The following KCNK2 variants were observed in gnomAD, a reference collection of about 807,000 sequenced individuals.
KCNK2 encodes potassium two pore domain channel subfamily K member 2.
In KCNK2, 21 loss-of-function variants were observed where a neutral mutation model predicts 40.5. That is an observed-to-expected ratio of 0.52 (90% CI 0.37 to 0.75). The LOEUF (loss-of-function observed/expected upper bound fraction) is 0.75, where lower values mean the gene tolerates loss of function less well. Among genes scored for constraint, KCNK2 ranks in the 30% least tolerant of loss-of-function variants. KCNK2 has a pLI of 0.00. For missense variants in KCNK2, 399 were observed against 531.6 expected (o/e 0.75, Z 2.45); for synonymous variants, 191 against 202.2 (o/e 0.94, Z 0.47).
chr1:215,209,406 TGC>T lies in KCNK2; in HGVS notation c.963+14315_963+14316del, dbSNP rs1368420012. Among the ~76,000 whole-genome samples the T allele has an allele frequency of 7.6e-3, 178 of 23,304 alleles. 3 individuals carry two copies. The highest frequency in any genetic ancestry group is 0.056 in the Middle Eastern group (1 of 18). The allele number at this position is 23,304 out of a possible 152,430, so 15.3% of individuals were successfully genotyped here. A position where few individuals can be genotyped will look rare whatever the true frequency, so the allele number is the denominator to read the frequency against. ...AAATATATATATTATATATAAAATATGCATATATTATATATAATATATATAAT... is the reference window on the plus strand; with the variant it reads ...AAATATATATATTATATATAAAATATATATATTATATATAATATATATAAT... On this transcript the variant is annotated intron_variant, in intron 6 of 6. Transcript: ENST00000444842.
intron 1 of KCNK2, among the ~76,000 whole-genome samples, chr1:215,051,990 T>C (rs1658006494): frequency 6.6e-6 from 1 of 152,228 alleles, no homozygotes; most frequent in South Asian, 2.1e-4. Flanking sequence ...AATTTATTCA[T>C]CCAGCAAACA....
At chr1:215,123,201 GCA>G in intron 2 of KCNK2, among the ~76,000 whole-genome samples, 1 of 143,034 alleles carries the variant, frequency 7.0e-6, no homozygotes, top group Non-Finnish European at 1.5e-5. Context: ...TACATATTGG[GCA>G]ATGATTAAAT....
chr1:215,202,125 T>A (rs1665104932), intron 6 of KCNK2, among the ~76,000 whole-genome samples: 1 of 152,188 alleles, frequency 6.6e-6, no homozygotes, highest in South Asian at 2.1e-4. Context: ...CAGGTTTATG[T>A]CTTACACTTG....
chr1:215,074,286 A>T (rs1024237446), intron 1 of KCNK2, among the ~76,000 whole-genome samples: 3 of 152,246 alleles, frequency 2.0e-5, no homozygotes, highest in Admixed American at 1.3e-4. Context: ...TGGCTCATTT[A>T]ATCATGATGC....
intron 5 of KCNK2, among the ~76,000 whole-genome samples, chr1:215,189,649 G>A (rs1664585683): frequency 6.6e-6 from 1 of 152,118 alleles, no homozygotes; most frequent in Admixed American, 6.5e-5. Flanking sequence ...AATGGCATAT[G>A]AAAAGTTTAG....
intron 5 of KCNK2, among the ~76,000 whole-genome samples, chr1:215,180,341 C>T (rs934160077): frequency 1.3e-5 from 2 of 152,056 alleles, no homozygotes; most frequent in Non-Finnish European, 2.9e-5. Context: ...TAAGCGAGGG[C>T]ATTTAGACCA....
intron 5 of KCNK2, among the ~76,000 whole-genome samples, chr1:215,178,486 C>T (rs989505809): frequency 2.0e-5 from 3 of 152,146 alleles, no homozygotes; most frequent in Non-Finnish European, 4.4e-5. Flanking sequence ...ATGCTGTTGA[C>T]TGTGGGTTTG....
At chr1:215,184,487 C>T (rs1039299897) in intron 5 of KCNK2, among the ~76,000 whole-genome samples, 1 of 152,092 alleles carries the variant, frequency 6.6e-6, no homozygotes, top group Admixed American at 6.6e-5. Flanking sequence ...CTAATAAAGA[C>T]ATACCTGAGA....
At chr1:215,129,593 G>T (rs1661578221) in intron 3 of KCNK2, among the ~76,000 whole-genome samples, 1 of 152,088 alleles carries the variant, frequency 6.6e-6, no homozygotes, top group Admixed American at 6.6e-5. Context: ...AAGAAAAGTG[G>T]AAAGATTAAT....
chr1:215,113,840 C>T (rs566906287), intron 2 of KCNK2, among the ~76,000 whole-genome samples: 55 of 152,096 alleles, frequency 3.6e-4, no homozygotes, highest in Non-Finnish European at 6.6e-4. Context: ...AAGTGATCTG[C>T]GCAACTCGGC....
intron 3 of KCNK2, among the ~76,000 whole-genome samples, chr1:215,141,394 A>T (rs1488168433): frequency 6.6e-6 from 1 of 152,088 alleles, no homozygotes; most frequent in African/African-American, 2.4e-5. Flanking sequence ...CGTGGGTAAT[A>T]TGTTGTTCTA....
At chr1:215,020,614 C>T (rs1054870263) in intron 1 of KCNK2, among the ~76,000 whole-genome samples, 6 of 152,024 alleles carry the variant, frequency 3.9e-5, no homozygotes, top group Non-Finnish European at 8.8e-5. Context: ...TTAGTAGGCA[C>T]GAGATTTCAC....
intron 1 of KCNK2, among the ~76,000 whole-genome samples, chr1:215,007,259 G>A (rs956018750): frequency 4.2e-4 from 55 of 129,638 alleles, no homozygotes; most frequent in African/African-American, 1.6e-3. Context: ...TAATGTCCAG[G>A]TTCTGTTTTG....
intron 3 of KCNK2, among the ~76,000 whole-genome samples, chr1:215,166,864 G>GAA (rs142055645): frequency 1.1e-3 from 174 of 152,132 alleles, no homozygotes; most frequent in Non-Finnish European, 2.3e-3. Context: ...CCTAAGTAAA[G>GAA]AAAGTGTAGG....
At chr1:215,025,011 A>G (rs1656954684) in intron 1 of KCNK2, among the ~76,000 whole-genome samples, 1 of 148,214 alleles carries the variant, frequency 6.7e-6, no homozygotes, top group African/African-American at 2.5e-5. Context: ...CAATTTGTGA[A>G]TTTAGCCTTA....
chr1:215,012,429 A>G (rs769420559), intron 1 of KCNK2, among the ~76,000 whole-genome samples: 4 of 151,148 alleles, frequency 2.6e-5, no homozygotes. Context: ...TTGCAATCTG[A>G]TTATCTTCTT....
At chr1:215,064,194 CATTT>C (rs1658457169) in intron 1 of KCNK2, among the ~76,000 whole-genome samples, 1 of 152,132 alleles carries the variant, frequency 6.6e-6, no homozygotes, top group Non-Finnish European at 1.5e-5. Flanking sequence ...CCGTGTGAAA[CATTT>C]ATGCTAAAGT....
intron 1 of KCNK2, among the ~76,000 whole-genome samples, chr1:215,055,538 T>C (rs539978335): frequency 6.6e-6 from 1 of 152,314 alleles, no homozygotes; most frequent in South Asian, 2.1e-4. Context: ...TTGAAGAGCT[T>C]TCATTTTATT....
intron 6 of KCNK2, among the ~76,000 whole-genome samples, chr1:215,217,569 A>G (rs1666010486): frequency 6.6e-6 from 1 of 152,186 alleles, no homozygotes; most frequent in African/African-American, 2.4e-5. Flanking sequence ...ACTTGCACTG[A>G]CACTAATTCT....
Sources: gnomAD v4.1 joint callset for allele counts (sites outside exome capture counted in the v4.1 genomes callset) on GRCh38, gnomAD v4.1.1 for gene constraint, MANE v1.5 for transcripts, NCBI Gene and HGNC (gene_info 2026-07-23, HGNC 2026-07-21) for gene names.